DNPEP: variants seen among roughly 807,000 people sequenced by gnomAD.
DNPEP encodes aspartyl aminopeptidase.
Under a neutral mutation model 59.1 loss-of-function variants are expected in DNPEP, and 46 were observed. That is an observed-to-expected ratio of 0.78 (90% confidence interval 0.61 to 0.99). The LOEUF is 0.99. Ranked by LOEUF, DNPEP falls within the 50% of genes least tolerant of loss-of-function variation. The pLI, the probability that DNPEP is intolerant of heterozygous loss-of-function variation, is 0.00. For missense variants in DNPEP, 617 were observed against 649.9 expected (o/e 0.95, Z 0.55); for synonymous variants, 229 against 242.2 (o/e 0.95, Z 0.50).
chr2:219,394,196 C>T (rs939730927), intron 1 of DNPEP, among the ~76,000 whole-genome samples: 2 of 152,042 alleles, frequency 1.3e-5, no homozygotes, highest in African/African-American at 2.4e-5. Context: ...GAGGTTTTAC[C>T]GCTGTCATTC....
In DNPEP at chr2:219,381,498, G is replaced by A. The variant is rs375006592; in HGVS notation, c.1137+47C>T. 3.7e-4 allele frequency: 595 copies of A among 1,613,776 alleles called. 9 individuals carry two copies. The South Asian group carries it at 5.8e-3, about 16-fold the overall frequency. Reference sequence around the variant, plus strand: ...GCCCAAAGGGAATGAGTCGGCGCTCGGAACAGCCAGACCTCCAAGTCCCTA... The same window carrying A: ...GCCCAAAGGGAATGAGTCGGCGCTCAGAACAGCCAGACCTCCAAGTCCCTA... On this transcript the variant is annotated intron_variant, in intron 12 of 14. Transcript: ENST00000273075.
In DNPEP at chr2:219,385,505, C is replaced by G. The variant is rs753111159; in HGVS notation, c.693G>C (p.Met231Ile). The part of the protein sequence containing the change: ...AVDERHHSVL[M>I]SLLCAHLGLS... ...GCCCCAGATGGGCACAGAGCAGGGA[C>G]ATGAGGACCGAATGGTGCCGCTCAT... The change falls in exon 8 of 15, where the codon ATG (methionine) becomes ATC (isoleucine). Residue 231 changes from methionine (M) to isoleucine (I), a missense_variant. Transcript: ENST00000273075. 2 of 1,605,050 alleles carry G rather than the reference C, an allele frequency of 1.2e-6. No individual in the cohort carries two copies. The highest frequency in any genetic ancestry group is 1.7e-6 in the Non-Finnish European group (2 of 1,172,632).
rs1208998871 is a variant in DNPEP, at chr2:219,374,093, T to C, written c.*199A>G. 1 of 575,742 alleles carries C rather than the reference T, an allele frequency of 1.7e-6. No homozygotes were observed. The highest frequency in any genetic ancestry group is 1.9e-5 in the African/African-American group (1 of 53,550). The allele number at this position is 575,742 out of a possible 1,614,324, so 35.7% of individuals were successfully genotyped here. A position where few individuals can be genotyped will look rare whatever the true frequency, so the allele number is the denominator to read the frequency against. On this transcript the variant is annotated 3_prime_UTR_variant, in exon 15 of 15. Coordinates refer to ENST00000273075, the MANE Select transcript of DNPEP (RefSeq NM_012100.4). ...ATTTAAAACCATCAGCTCCCAGGAG[T>C]GTGGCCTCCTCCACCTGCTCCCCAA...
chr2:219,381,421 C>A lies in DNPEP; in HGVS notation c.1153G>T (p.Val385Leu). ...GAAGCATAGCGTTGCTTGCTGTTCA[C>A]CTTGATCACGGGGCCCTGGGGAGAG... ...PLFHKGPVIK[V>L]NSKQRYASNA... Residue 385 changes from valine to leucine, a missense_variant, in exon 13 of 15, where the codon GTG becomes TTG. By Grantham distance (32) the Val-to-Leu change is conservative. Transcript: ENST00000273075. The A allele has an allele frequency of 6.2e-7, 1 of 1,614,236 alleles. No individual in the cohort carries two copies. Among genetic ancestry groups the A allele is most frequent in the Non-Finnish European group, 8.5e-7 (1 of 1,180,046 alleles).
chr2:219,388,072 G>A, upstream of DNPEP: 1 of 386,284 alleles, frequency 2.6e-6, no homozygotes, highest in South Asian at 7.3e-5. Flanking sequence ...CCCCGCCCTT[G>A]CCCCGCCCCT....
chr2:219,382,081 C>A lies in DNPEP; in HGVS notation c.995G>T (p.Arg332Leu), dbSNP rs374750626. 1 of 1,613,912 alleles carries A rather than the reference C, an allele frequency of 6.2e-7. No homozygotes were observed. Residue 332 changes from arginine (R) to leucine (L), a missense_variant, in exon 11 of 15, where the codon CGG (arginine) becomes CTG (leucine). Physicochemically the swap from Arg to Leu is moderately radical, Grantham distance 102. Coordinates refer to ENST00000273075, the MANE Select transcript of DNPEP (RefSeq NM_012100.4). Reference protein sequence around the residue: ...QSLLTELVLRRISASCQHPTA... With the variant: ...QSLLTELVLRLISASCQHPTA... ...CGGGTGCTGGCACGAGGCTGAGATCCGCCGCAGCACCAGCTCTGTCAGCAG... is the reference window on the plus strand; with the variant it reads ...CGGGTGCTGGCACGAGGCTGAGATCAGCCGCAGCACCAGCTCTGTCAGCAG...
intron 13 of DNPEP, among the ~76,000 whole-genome samples, chr2:219,377,277 CAAAAAAAA>C (rs386392672): frequency 2.3e-4 from 15 of 66,096 alleles, no homozygotes; most frequent in Admixed American, 9.4e-4. Context: ...CTCACTCTGT[CAAAAAAAA>C]AAAAAAAAAA....
upstream of DNPEP, chr2:219,388,895 T>C: frequency 1.0e-6 from 1 of 985,138 alleles, no homozygotes; most frequent in Non-Finnish European, 1.2e-6. Flanking sequence ...AGTTTATGCA[T>C]GAACAGAGAA....
chr2:219,374,181 G>A lies in DNPEP; in HGVS notation c.*111C>T, dbSNP rs112344683. 8.4e-4 allele frequency: 909 copies of A among 1,080,218 alleles called. 6 individuals are homozygous for A. The African/African-American group carries it at 0.012, about 14-fold the overall frequency. The allele number at this position is 1,080,218 out of a possible 1,614,324, so 66.9% of individuals were successfully genotyped here. ...CCACTCCTCTAGTCTCCAAATAAGCGTAGCACGGAGAGTCTGAGTGACAAT... is the reference window on the plus strand; with the variant it reads ...CCACTCCTCTAGTCTCCAAATAAGCATAGCACGGAGAGTCTGAGTGACAAT... On this transcript the variant is annotated 3_prime_UTR_variant, in exon 15 of 15. Transcript: ENST00000273075.
intron 13 of DNPEP, among the ~76,000 whole-genome samples, chr2:219,377,823 T>G (rs1953433944): frequency 6.6e-6 from 1 of 152,026 alleles, no homozygotes; most frequent in Non-Finnish European, 1.5e-5. Context: ...CTTGGGAGAC[T>G]GAGGCAGGAA....
chr2:219,399,578 G>T, intron 1 of DNPEP: 1 of 620,148 alleles, frequency 1.6e-6, no homozygotes, highest in Non-Finnish European at 3.0e-6. Context: ...GTGCCGATGG[G>T]TGGGCTGCCC....
intron 13 of DNPEP, among the ~76,000 whole-genome samples, chr2:219,378,791 C>T (rs771078770): frequency 1.2e-4 from 18 of 152,184 alleles, no homozygotes; most frequent in Non-Finnish European, 1.8e-4. Flanking sequence ...GTGGCGATGC[C>T]GGCGTAAATA....
At chr2:219,387,949 C>G, upstream of DNPEP, 1 of 1,345,604 alleles carries the variant, frequency 7.4e-7, no homozygotes, top group Non-Finnish European at 9.5e-7. Flanking sequence ...TTGGCCTCCC[C>G]GCCCACCTCT....
At chr2:219,374,770 T>C in intron 14 of DNPEP, 85 bp downstream of exon 14, 1 of 1,481,844 alleles carries the variant, frequency 6.7e-7, no homozygotes, top group Non-Finnish European at 9.2e-7. Context: ...AGTCACTTTG[T>C]GATGGCGATG....
chr2:219,388,019 C>A, upstream of DNPEP: 1 of 1,061,778 alleles, frequency 9.4e-7, no homozygotes, highest in Non-Finnish European at 1.2e-6. Context: ...GGCGGGCTTA[C>A]CCTGTCCGCT....
chr2:219,377,449 G>T (rs937347583), intron 13 of DNPEP, among the ~76,000 whole-genome samples: 1 of 152,010 alleles, frequency 6.6e-6, no homozygotes, highest in African/African-American at 2.4e-5. Flanking sequence ...AAAAAGGGGT[G>T]GGGGGAACTG....
Position 219,386,356 on chromosome 2 carries a change from G to A in DNPEP, c.389C>T (p.Thr130Ile). The A allele has an allele frequency of 6.2e-7, 1 of 1,614,184 alleles. No homozygotes were observed. Among genetic ancestry groups the A allele is most frequent in the Non-Finnish European group, 8.5e-7 (1 of 1,180,038 alleles). Residue 130 changes from threonine to isoleucine, a missense_variant, in exon 5 of 15, where the codon ACC (threonine) becomes ATC (isoleucine). Physicochemically the swap from Thr to Ile is moderately conservative, Grantham distance 89 (BLOSUM62 -1). Transcript: ENST00000273075. ...GGTGCTCCAGATCCCACCACCATAG[G>A]TCTCCACACCGACTTGCTGGAAGCC... ...QVGFQQVGVETYGGGIWSTWF... is the reference protein window; with the variant it reads ...QVGFQQVGVEIYGGGIWSTWF...
At chr2:219,385,090 C>T in intron 8 of DNPEP, 1 of 253,792 alleles carries the variant, frequency 3.9e-6, no homozygotes, top group Non-Finnish European at 7.5e-6. Context: ...AACCGGGAGA[C>T]AGAGAACAGA....
At chr2:219,377,243 C>T (rs1234347798) in intron 13 of DNPEP, among the ~76,000 whole-genome samples, 1 of 128,682 alleles carries the variant, frequency 7.8e-6, no homozygotes, top group Non-Finnish European at 1.6e-5. Flanking sequence ...CATTAGACTC[C>T]AGCCTGGGCG....
Sources: allele counts gnomAD v4.1 joint callset (sites outside exome capture counted in the v4.1 genomes callset), GRCh38; gene constraint gnomAD v4.1.1; transcripts MANE v1.5; gene names NCBI Gene and HGNC (gene_info 2026-07-23, HGNC 2026-07-21).